Variants in LYRM4 observed in about 807,000 individuals in gnomAD.
LYRM4 encodes the protein LYR motif containing 4.
LYRM4 carries 9 observed loss-of-function variants against 11.7 expected under a neutral mutation model. The ratio of observed to expected loss-of-function variants is 0.77; its 90% confidence interval spans 0.46 to 1.34. LYRM4 has a LOEUF of 1.34. Ranked by LOEUF, LYRM4 falls within the 40% of genes most tolerant of loss-of-function variation. The probability of loss-of-function intolerance (pLI) is 0.00; values close to 1 mark genes in which losing one functional copy is unlikely to be tolerated. For synonymous variants in LYRM4, 42 were observed against 40.4 expected (o/e 1.04, Z -0.15); for missense variants, 133 against 112.5 (o/e 1.18, Z -0.82).
the LYRM4 span, chr6:5,085,986 C>T: frequency 6.6e-7 from 1 of 1,526,020 alleles, no homozygotes; most frequent in Non-Finnish European, 8.7e-7. Context: ...TCCGAAGCTT[C>T]CCTATGCGTG....
At chr6:5,210,563 T>C (rs903836851) in intron 2 of LYRM4, among the ~76,000 whole-genome samples, 5 of 152,294 alleles carry the variant, frequency 3.3e-5, no homozygotes, top group African/African-American at 1.2e-4. Context: ...TTAACTATTT[T>C]TAAGCGTTTA....
chr6:5,046,776 G>T, the LYRM4 span, among the ~76,000 whole-genome samples: 1 of 152,140 alleles, frequency 6.6e-6, no homozygotes, highest in African/African-American at 2.4e-5. Context: ...GATGGCTTCC[G>T]TCATATTCTG....
the LYRM4 span, among the ~76,000 whole-genome samples, chr6:5,074,859 C>G: frequency 1.3e-5 from 2 of 152,052 alleles, no homozygotes; most frequent in African/African-American, 4.8e-5. Flanking sequence ...GCTGTTGTCC[C>G]TGCTAAATCT....
chr6:5,228,912 G>A (rs910840065), intron 1 of LYRM4, among the ~76,000 whole-genome samples: 7 of 149,206 alleles, frequency 4.7e-5, no homozygotes, highest in Non-Finnish European at 5.9e-5. Flanking sequence ...GCTGAGGCAG[G>A]AGAATGGCGT....
rs9606 is a variant in LYRM4 at position 5,109,358 on chromosome 6, T to A, written c.*65A>T. 6.8e-6 allele frequency: 11 copies of A among 1,606,676 alleles called. No individual in the cohort carries two copies. Among genetic ancestry groups the A allele is most frequent in the African/African-American group, 1.3e-5 (1 of 74,724 alleles). On this transcript the variant is annotated 3_prime_UTR_variant, in exon 3 of 3. Coordinates refer to ENST00000330636, the MANE Select transcript of LYRM4 (RefSeq NM_020408.6). The stretch of plus-strand genomic sequence containing the variant: ...TGTAAGCTGGTTTTGGGAGCCCCCA[T>A]CTCAAACAGAGAGTGGATGCTGAAG...
chr6:5,216,689 C>T lies in LYRM4; in HGVS notation c.136G>A (p.Val46Ile). 1.2e-6 allele frequency: 2 copies of T among 1,613,918 alleles called. No homozygotes were observed. The highest frequency in any genetic ancestry group is 1.3e-5 in the African/African-American group (1 of 75,036). The change falls in exon 2 of 3, where the codon GTA (valine) becomes ATA (isoleucine). Residue 46 changes from valine to isoleucine, a missense_variant. Coordinates refer to ENST00000330636, the MANE Select transcript of LYRM4 (RefSeq NM_020408.6). Reference protein sequence around the residue: ...IRDAFRENKNVKDPVEIQTLV... With the variant: ...IRDAFRENKNIKDPVEIQTLV... Reference sequence around the variant, plus strand: ...GTTTGAATTTCTACAGGATCCTTTACATTTTTATTTTCTCTGAAGGCATCT... The same window carrying T: ...GTTTGAATTTCTACAGGATCCTTTATATTTTTATTTTCTCTGAAGGCATCT...
chr6:5,203,776 T>C (rs1444976668), intron 2 of LYRM4, among the ~76,000 whole-genome samples: 1 of 152,186 alleles, frequency 6.6e-6, no homozygotes, highest in Non-Finnish European at 1.5e-5. Context: ...GCCCCTCGTG[T>C]TGCGTCTAAG....
chr6:5,093,709 C>A, the LYRM4 span, among the ~76,000 whole-genome samples: 1 of 152,236 alleles, frequency 6.6e-6, no homozygotes, highest in African/African-American at 2.4e-5. Flanking sequence ...GCATGAGAGG[C>A]AACAGTGGAT....
intron 1 of LYRM4, among the ~76,000 whole-genome samples, chr6:5,235,195 T>C (rs761021773): frequency 1.3e-5 from 2 of 152,146 alleles, no homozygotes; most frequent in Non-Finnish European, 2.9e-5. Flanking sequence ...CAGGCTGGAG[T>C]GCAGTAGCAT....
chr6:5,205,757 TC>T (rs1440573705), intron 2 of LYRM4, among the ~76,000 whole-genome samples: 1 of 152,194 alleles, frequency 6.6e-6, no homozygotes, highest in Non-Finnish European at 1.5e-5. Flanking sequence ...CTCCCCCTTC[TC>T]CACCTCACTC....
downstream of LYRM4, among the ~76,000 whole-genome samples, chr6:5,100,947 G>A (rs1431592448): frequency 6.6e-6 from 1 of 152,132 alleles, no homozygotes; most frequent in African/African-American, 2.4e-5. Flanking sequence ...GACCCACACA[G>A]ACACTGCCCC....
the LYRM4 span, among the ~76,000 whole-genome samples, chr6:5,044,498 T>A: frequency 6.6e-6 from 1 of 152,214 alleles, no homozygotes; most frequent in South Asian, 2.1e-4. Flanking sequence ...GGGTCCAGCT[T>A]CAGGAGGGCA....
intron 2 of LYRM4, among the ~76,000 whole-genome samples, chr6:5,145,780 C>T (rs1029929977): frequency 6.6e-6 from 1 of 152,212 alleles, no homozygotes; most frequent in African/African-American, 2.4e-5. Flanking sequence ...CCCACGGCTT[C>T]ACCACCAATG....
chr6:5,049,699 T>C, the LYRM4 span, among the ~76,000 whole-genome samples: 1 of 151,676 alleles, frequency 6.6e-6, no homozygotes, highest in Non-Finnish European at 1.5e-5. Flanking sequence ...AGACAGAGTC[T>C]TGCTTTGTCA....
chr6:5,144,716 A>G (rs948150192), intron 2 of LYRM4, among the ~76,000 whole-genome samples: 1 of 146,088 alleles, frequency 6.8e-6, no homozygotes, highest in African/African-American at 2.5e-5. Flanking sequence ...CCATGGCCCC[A>G]GGAGCTGGGA....
At chr6:5,101,262 T>C (rs1023745040), downstream of LYRM4, among the ~76,000 whole-genome samples, 4 of 152,246 alleles carry the variant, frequency 2.6e-5, no homozygotes, top group Non-Finnish European at 4.4e-5. Flanking sequence ...CGTACAGCTA[T>C]TTACATACAT....
the LYRM4 span, among the ~76,000 whole-genome samples, chr6:5,058,799 C>G: frequency 1.3e-5 from 2 of 152,186 alleles, no homozygotes; most frequent in Non-Finnish European, 2.9e-5. Context: ...ATGCTTGCTG[C>G]TTTGTTTTCC....
the LYRM4 span, among the ~76,000 whole-genome samples, chr6:5,044,435 C>G: frequency 6.6e-6 from 1 of 152,152 alleles, no homozygotes; most frequent in South Asian, 2.1e-4. Context: ...CCGGCTGACA[C>G]ACTGTTTTCT....
chr6:5,130,817 G>C (rs572225477), intron 2 of LYRM4, among the ~76,000 whole-genome samples: 117 of 152,240 alleles, frequency 7.7e-4, no homozygotes, highest in African/African-American at 2.6e-3. Context: ...ACAGAAGACA[G>C]TCATTAAGGG....
Sources: allele counts gnomAD v4.1 joint callset (sites outside exome capture counted in the v4.1 genomes callset), GRCh38; gene constraint gnomAD v4.1.1; transcripts MANE v1.5; gene names NCBI Gene and HGNC (gene_info 2026-07-23, HGNC 2026-07-21).